The following SHISA9 variants were observed in gnomAD, a reference collection of about 807,000 sequenced individuals.
SHISA9 encodes the protein shisa family member 9, also known as protein shisa-9.
Under a neutral mutation model 38.0 loss-of-function variants are expected in SHISA9, and 13 were observed. The observed-to-expected ratio is 0.34, with a 90% CI of 0.22 to 0.54. The LOEUF is 0.54. Ranked by LOEUF, SHISA9 falls within the 20% of genes least tolerant of loss-of-function variation. SHISA9 has a pLI of 0.91. For missense variants in SHISA9, 538 were observed against 575.8 expected (o/e 0.93, Z 0.67); for synonymous variants, 275 against 242.0 (o/e 1.14, Z -1.27).
chr16:12,935,960 G>C (rs1391003025), intron 2 of SHISA9, among the ~76,000 whole-genome samples: 1 of 152,096 alleles, frequency 6.6e-6, no homozygotes, highest in Non-Finnish European at 1.5e-5. Context: ...GAAGGCTACT[G>C]AGGCAGGTGG....
chr16:13,002,818 CCA>C (rs1166185837), intron 2 of SHISA9, among the ~76,000 whole-genome samples: 1 of 152,142 alleles, frequency 6.6e-6, no homozygotes, highest in Non-Finnish European at 1.5e-5. Flanking sequence ...CAGGCATGAG[CCA>C]CTGTGCCCAG....
At chr16:12,964,197 A>G (rs1199878440) in intron 2 of SHISA9, among the ~76,000 whole-genome samples, 1 of 152,206 alleles carries the variant, frequency 6.6e-6, no homozygotes, top group East Asian at 1.9e-4. Flanking sequence ...ATACAGATGG[A>G]GCTGATCTTG....
At chr16:13,491,817 C>CTTTTTTTTTTTTTTTTT in the SHISA9 span, among the ~76,000 whole-genome samples, 3 of 46,892 alleles carry the variant, frequency 6.4e-5, 1 homozygote, top group South Asian at 1.5e-3. Context: ...TATTTATTGA[C>CTTTTTTTTTTTTTTTTT]CTTTTTTTTT....
chr16:12,947,819 T>C (rs1236487756), intron 2 of SHISA9, among the ~76,000 whole-genome samples: 1 of 152,060 alleles, frequency 6.6e-6, no homozygotes, highest in Non-Finnish European at 1.5e-5. Context: ...AGAACACAAA[T>C]GGTATAATTT....
chr16:12,934,963 G>C (rs1469447876), intron 2 of SHISA9, among the ~76,000 whole-genome samples: 1 of 152,162 alleles, frequency 6.6e-6, no homozygotes, highest in Non-Finnish European at 1.5e-5. Context: ...AACCAGGGCA[G>C]CTCCAACCAT....
At chr16:13,304,510 G>A in the SHISA9 span, among the ~76,000 whole-genome samples, 2 of 152,126 alleles carry the variant, frequency 1.3e-5, no homozygotes, top group Non-Finnish European at 2.9e-5. Context: ...TGCCTGCCCT[G>A]GCCTCCTAAA....
the SHISA9 span, among the ~76,000 whole-genome samples, chr16:13,518,011 C>T: frequency 6.6e-6 from 1 of 152,188 alleles, no homozygotes; most frequent in Non-Finnish European, 1.5e-5. Context: ...TGAGCAGCTG[C>T]TGGCAGTCAA....
At chr16:13,498,173 T>C in the SHISA9 span, among the ~76,000 whole-genome samples, 1 of 152,000 alleles carries the variant, frequency 6.6e-6, no homozygotes, top group Non-Finnish European at 1.5e-5. Flanking sequence ...GAAAAGACAA[T>C]GTAGAAGAAA....
chr16:12,917,702 G>A lies in SHISA9; in HGVS notation c.691+887G>A, dbSNP rs376121100. On this transcript the variant is annotated intron_variant, in intron 2 of 4. Transcript: ENST00000558583. Reference sequence around the variant, plus strand: ...AGTAACCCCCACATTAAAGTAATGTGGAGGGTTTGGTTTAAAATAACAAAA... The same window carrying A: ...AGTAACCCCCACATTAAAGTAATGTAGAGGGTTTGGTTTAAAATAACAAAA... Among the ~76,000 whole-genome samples the A allele has an allele frequency of 5.2e-4, 79 of 152,290 alleles. 3 individuals carry two copies. In the South Asian group the frequency reaches 0.014, roughly 28 times the overall value.
chr16:13,392,221 G>A, the SHISA9 span, among the ~76,000 whole-genome samples: 1 of 152,132 alleles, frequency 6.6e-6, no homozygotes, highest in African/African-American at 2.4e-5. Flanking sequence ...GCCTTAGAAT[G>A]TGATTGTTTT....
At chr16:13,199,053 G>C (rs2050978441) in intron 2 of SHISA9, among the ~76,000 whole-genome samples, 1 of 152,204 alleles carries the variant, frequency 6.6e-6, no homozygotes, top group South Asian at 2.1e-4. Flanking sequence ...AACATATTCA[G>C]TGAGGAACAT....
chr16:12,902,050 G>A lies in SHISA9; in HGVS notation c.-15G>A, dbSNP rs2071023194. The A allele has an allele frequency of 8.9e-6, 13 of 1,457,410 alleles. No homozygotes were observed. The highest frequency in any genetic ancestry group is 9.9e-6 in the Non-Finnish European group (11 of 1,112,156). 90.3% of individuals were successfully genotyped at this position (1,457,410 alleles called of 1,614,324 possible). A position where few individuals can be genotyped will look rare whatever the true frequency, so the allele number is the denominator to read the frequency against. On this transcript the variant is annotated 5_prime_UTR_variant, in exon 1 of 5. Coordinates refer to ENST00000558583, the MANE Select transcript of SHISA9 (RefSeq NM_001145204.3). ...CAGCGGCGGCCGAGCGGCCGAGCCCGGGCTGGGAGACACCATGCGCCGCGT... is the reference window on the plus strand; with the variant it reads ...CAGCGGCGGCCGAGCGGCCGAGCCCAGGCTGGGAGACACCATGCGCCGCGT...
At chr16:13,506,948 C>A in the SHISA9 span, among the ~76,000 whole-genome samples, 1 of 152,072 alleles carries the variant, frequency 6.6e-6, no homozygotes, top group African/African-American at 2.4e-5. Flanking sequence ...GAGGGTGAAG[C>A]AGGAGGATCA....
chr16:13,489,184 A>G, the SHISA9 span, among the ~76,000 whole-genome samples: 8 of 151,964 alleles, frequency 5.3e-5, no homozygotes, highest in Non-Finnish European at 1.2e-4. Flanking sequence ...AGTAGCTGGG[A>G]TTACAAGCGC....
intron 2 of SHISA9, among the ~76,000 whole-genome samples, chr16:13,153,994 G>C (rs1176146944): frequency 2.6e-5 from 4 of 152,052 alleles, no homozygotes; most frequent in Admixed American, 2.6e-4. Context: ...GCTCCTCTTT[G>C]TTCCCAGATA....
intron 1 of SHISA9, among the ~76,000 whole-genome samples, chr16:12,913,795 G>A (rs2071217845): frequency 6.6e-6 from 1 of 152,042 alleles, no homozygotes; most frequent in Non-Finnish European, 1.5e-5. Context: ...CTCTTTCACG[G>A]GGAATAATAT....
chr16:13,432,707 A>C, the SHISA9 span, among the ~76,000 whole-genome samples: 1 of 152,210 alleles, frequency 6.6e-6, no homozygotes, highest in South Asian at 2.1e-4. Flanking sequence ...TTTTGGTATC[A>C]AGATGTTAAC....
chr16:13,511,273 G>A, the SHISA9 span, among the ~76,000 whole-genome samples: 1 of 152,190 alleles, frequency 6.6e-6, no homozygotes, highest in East Asian at 1.9e-4. Context: ...ACACACAGTT[G>A]TGATATTCAA....
the SHISA9 span, among the ~76,000 whole-genome samples, chr16:13,550,288 C>G: frequency 1.3e-5 from 2 of 152,096 alleles, no homozygotes; most frequent in Non-Finnish European, 2.9e-5. Context: ...TCTCCAGCCC[C>G]TAGAAACTCT....
Sources: allele counts gnomAD v4.1 joint callset (sites outside exome capture counted in the v4.1 genomes callset), GRCh38; gene constraint gnomAD v4.1.1; transcripts MANE v1.5; gene names NCBI Gene and HGNC (gene_info 2026-07-23, HGNC 2026-07-21).